HIVEP2: variants seen among roughly 807,000 people sequenced by gnomAD.
The protein encoded by HIVEP2 is transcription factor HIVEP2.
HIVEP2 carries 14 observed loss-of-function variants against 180.7 expected under a neutral mutation model. The ratio of observed to expected loss-of-function variants is 0.08; its 90% CI spans 0.05 to 0.12. The LOEUF (loss-of-function observed/expected upper bound fraction) is 0.12, where lower values mean the gene tolerates loss of function less well. HIVEP2 is among the 10% of genes least tolerant of loss of function. HIVEP2 has a pLI of 1.00. For missense variants in HIVEP2, 2,579 were observed against 3,008.5 expected, an observed-to-expected ratio of 0.86 and a Z score of 3.34; for synonymous variants, 1,184 against 1,136.4, an observed-to-expected ratio of 1.04 and a Z score of -0.84.
chr6:142,866,834 T>C (rs1776152334), intron 1 of HIVEP2, among the ~76,000 whole-genome samples: 1 of 152,174 alleles, frequency 6.6e-6, no homozygotes, highest in Non-Finnish European at 1.5e-5. Flanking sequence ...ATGTGGCTAC[T>C]TACCCCTTTC....
At chr6:142,926,507 T>C (rs1777814413) in intron 1 of HIVEP2, among the ~76,000 whole-genome samples, 1 of 152,176 alleles carries the variant, frequency 6.6e-6, no homozygotes, top group East Asian at 1.9e-4. Flanking sequence ...GAGGGCTTTG[T>C]GAAAAGAAAG....
chr6:142,846,955 C>T (rs114635742), intron 1 of HIVEP2, among the ~76,000 whole-genome samples: 1,853 of 152,308 alleles, frequency 0.012, 34 homozygotes, highest in African/African-American at 0.042. Context: ...TGCACTTCTG[C>T]CCCTGAAGCG....
Position 142,759,844 on chromosome 6 carries a change from C to T in HIVEP2, c.6444G>A (p.Arg2148=), listed in dbSNP as rs1285626397. 6.2e-7 allele frequency: 1 copy of T among 1,613,992 alleles called. No individual in the cohort carries two copies. The highest frequency in any genetic ancestry group is 8.5e-7 in the Non-Finnish European group (1 of 1,179,886). The change falls in exon 9 of 10, where the codon AGG becomes AGA. Residue 2148 remains arginine (R), a synonymous_variant. Transcript: ENST00000367603. ...ACAATGGTGGGTTATGGTATAAAGC[C>T]CTTCTGGGAGATGGCGCTCTTATTG... ...MTTIRAPSPR[R]ALYHNPPLSM... is the part of the protein sequence containing the mutation.
At chr6:142,902,765 T>G (rs193084166) in intron 1 of HIVEP2, among the ~76,000 whole-genome samples, 6 of 152,328 alleles carry the variant, frequency 3.9e-5, no homozygotes, top group Non-Finnish European at 8.8e-5. Flanking sequence ...GGCCTCACAA[T>G]GCTGATACTA....
chr6:142,784,983 G>A (rs780594378), intron 2 of HIVEP2, among the ~76,000 whole-genome samples: 2 of 151,978 alleles, frequency 1.3e-5, no homozygotes, highest in Non-Finnish European at 2.9e-5. Context: ...TGCCTCCCGG[G>A]TTCACGCCAT....
chr6:142,831,293 A>G (rs1243826812), intron 2 of HIVEP2, among the ~76,000 whole-genome samples: 1 of 152,200 alleles, frequency 6.6e-6, no homozygotes, highest in African/African-American at 2.4e-5. Flanking sequence ...CAGTGCCTTC[A>G]TCTGTGATGT....
At chr6:142,823,884 A>G (rs1283394050) in intron 2 of HIVEP2, among the ~76,000 whole-genome samples, 1 of 152,238 alleles carries the variant, frequency 6.6e-6, no homozygotes, top group Non-Finnish European at 1.5e-5. Flanking sequence ...CTTCAGCAGC[A>G]TTTAAATAAT....
At chr6:142,908,285 A>C (rs893235791) in intron 1 of HIVEP2, among the ~76,000 whole-genome samples, 1 of 152,196 alleles carries the variant, frequency 6.6e-6, no homozygotes, top group African/African-American at 2.4e-5. Context: ...TCCATCTTCC[A>C]ACCCATCGCT....
chr6:142,752,167 T>G lies in HIVEP2; in HGVS notation c.*940A>C, dbSNP rs576573923. 2 of 152,692 alleles carry G rather than the reference T, an allele frequency of 1.3e-5. No individual in the cohort carries two copies. The highest frequency in any genetic ancestry group is 2.9e-5 in the Non-Finnish European group (2 of 68,060). The allele number at this position is 152,692 out of a possible 1,614,324, so 9.5% of individuals were successfully genotyped here. The stretch of plus-strand genomic sequence containing the variant: ...CAACCTAGTGTCCAACTGAGTTACA[T>G]AAAATTGTACCAGTGATGCACTTGT... On this transcript the variant is annotated 3_prime_UTR_variant, in exon 10 of 10. Transcript: ENST00000367603.
chr6:142,772,234 C>A lies in HIVEP2; in HGVS notation c.2505G>T (p.Glu835Asp), dbSNP rs1404092474. 3.7e-6 allele frequency: 6 copies of A among 1,614,076 alleles called. No homozygotes were observed. In the East Asian group the frequency reaches 8.9e-5, roughly 24 times the overall value. ...CTTCTGAAATCTCACTGTCACAAGT[C>A]TCTGAAGGGGAAGGGGCTTTATCCT... is the stretch of plus-strand genomic sequence containing the variant. ...CTQDKAPSPS[E>D]TCDSEISEAP... The change falls in exon 5 of 10, where the codon GAG (glutamate) becomes GAT (aspartate). Residue 835 changes from glutamate to aspartate, a missense_variant. By Grantham distance (45) the Glu-to-Asp change is conservative (BLOSUM62 2). Around this residue, in one of 11 missense-constraint regions of HIVEP2, gnomAD observed 524 missense variants for 563.6 expected, o/e 0.93. Transcript: ENST00000367603. This position sits in a 1 kb window ranked among gnomAD's most constrained non-coding sequence, Gnocchi z 4.9.
intron 1 of HIVEP2, among the ~76,000 whole-genome samples, chr6:142,938,233 C>A (rs762957623): frequency 3.3e-5 from 5 of 152,148 alleles, no homozygotes; most frequent in Non-Finnish European, 7.4e-5. Flanking sequence ...TCCTGCTATA[C>A]CCTTCGCTTT....
At chr6:142,814,383 A>G (rs1776779800) in intron 2 of HIVEP2, among the ~76,000 whole-genome samples, 1 of 152,194 alleles carries the variant, frequency 6.6e-6, no homozygotes, top group Admixed American at 6.5e-5. Flanking sequence ...ACAACTTTGG[A>G]ACCAGTGTGG....
At chr6:142,760,833 G>A (rs376069120) in intron 8 of HIVEP2, among the ~76,000 whole-genome samples, 166 bp from the exon 9 acceptor site, 4 of 152,106 alleles carry the variant, frequency 2.6e-5, no homozygotes, top group African/African-American at 7.2e-5. Context: ...GTGACCCTGC[G>A]TTCATTCTAT....
chr6:142,907,743 C>A (rs1028265704), intron 1 of HIVEP2, among the ~76,000 whole-genome samples: 1 of 152,152 alleles, frequency 6.6e-6, no homozygotes. Flanking sequence ...AGAGGACCTG[C>A]GCTCAGGACC....
intron 2 of HIVEP2, among the ~76,000 whole-genome samples, chr6:142,793,688 T>C (rs1410146810): frequency 6.7e-6 from 1 of 149,392 alleles, no homozygotes; most frequent in Non-Finnish European, 1.5e-5. Context: ...TCTCTCTCTC[T>C]CTCTCTCTCT....
At chr6:142,919,368 T>C (rs1562292498) in intron 1 of HIVEP2, among the ~76,000 whole-genome samples, 1 of 152,228 alleles carries the variant, frequency 6.6e-6, no homozygotes, top group Non-Finnish European at 1.5e-5. Flanking sequence ...TAATATTGAC[T>C]CATAATTGTG....
Position 142,773,991 on chromosome 6 carries a change from A to G in HIVEP2, c.748T>C (p.Phe250Leu). ...AATTTAGATACAGCTGACTCTGTGA[A>G]AGGTACTAATCCTGCCTTAATTGCA... ...AHAIKAGLVPFTESAVSKLDL... is the reference protein window; with the variant it reads ...AHAIKAGLVPLTESAVSKLDL... The change falls in exon 5 of 10, where the codon TTC becomes CTC. Residue 250 changes from phenylalanine to leucine, a missense_variant. By Grantham distance (22) the Phe-to-Leu change is conservative (BLOSUM62 0). This residue lies in a region of HIVEP2 where 142 missense variants were observed against 135.2 expected (regional missense o/e 1.05). Transcript: ENST00000367603. The G allele has an allele frequency of 6.2e-7, 1 of 1,614,226 alleles. No individual in the cohort carries two copies.
chr6:142,809,653 G>A (rs2114788854), intron 2 of HIVEP2, among the ~76,000 whole-genome samples: 1 of 152,250 alleles, frequency 6.6e-6, no homozygotes, highest in Non-Finnish European at 1.5e-5. Flanking sequence ...GAGTGCAGTG[G>A]CACGATCTCA....
chr6:142,832,659 A>C (rs1042803893), intron 2 of HIVEP2, among the ~76,000 whole-genome samples: 1 of 152,188 alleles, frequency 6.6e-6, no homozygotes, highest in Non-Finnish European at 1.5e-5. Context: ...AAAGATCTCT[A>C]TGTGGGGGAT....
Sources: allele counts gnomAD v4.1 joint callset (sites outside exome capture counted in the v4.1 genomes callset), GRCh38; gene constraint gnomAD v4.1.1; regional missense constraint gnomAD v4.1.1; non-coding constraint Gnocchi (gnomAD v3.1); transcripts MANE v1.5; gene names NCBI Gene and HGNC (gene_info 2026-07-23, HGNC 2026-07-21).